SLC6A5: variants seen among roughly 807,000 people sequenced by gnomAD.
The protein encoded by SLC6A5 is sodium- and chloride-dependent glycine transporter 2.
In SLC6A5, 58 loss-of-function variants were observed where a neutral mutation model predicts 90.5. The observed-to-expected ratio is 0.64, with a 90% confidence interval of 0.52 to 0.80. The LOEUF is 0.80. Ranked by LOEUF, SLC6A5 falls within the 30% of genes least tolerant of loss-of-function variation. The pLI is 0.00. For synonymous variants in SLC6A5, 427 were observed against 401.4 expected, an observed-to-expected ratio of 1.06 and a Z score of -0.76; for missense variants, 1,015 against 1,017.6, an observed-to-expected ratio of 1.00 and a Z score of 0.03.
At chr11:20,637,734 T>A (rs1469889355) in intron 12 of SLC6A5, among the ~76,000 whole-genome samples, 1 of 152,064 alleles carries the variant, frequency 6.6e-6, no homozygotes, top group Non-Finnish European at 1.5e-5. Context: ...AAAAAGTAAA[T>A]AAAAAATTAG....
intron 1 of SLC6A5, 93 bp downstream of exon 1, chr11:20,599,768 T>C: frequency 2.8e-6 from 4 of 1,448,606 alleles, no homozygotes; most frequent in South Asian, 1.1e-5. Flanking sequence ...GAGATGTCTG[T>C]GCATTGGGTG....
At chr11:20,622,994 A>T (rs1852920750) in intron 7 of SLC6A5, among the ~76,000 whole-genome samples, 1 of 152,132 alleles carries the variant, frequency 6.6e-6, no homozygotes, top group African/African-American at 2.4e-5. Context: ...ATTTCCTAAC[A>T]TCCACGTGTG....
intron 13 of SLC6A5, among the ~76,000 whole-genome samples, 192 bp downstream of exon 13, chr11:20,638,750 CAA>C (rs1475101759): frequency 2.0e-5 from 3 of 152,134 alleles, no homozygotes; most frequent in East Asian, 1.9e-4. Context: ...AATAGGGAAA[CAA>C]GAGGTGGCTG....
intron 10 of SLC6A5, among the ~76,000 whole-genome samples, chr11:20,634,023 C>G (rs1427223180): frequency 6.6e-6 from 1 of 152,180 alleles, no homozygotes; most frequent in Admixed American, 6.5e-5. Context: ...AGGCGCCCCC[C>G]ACTACGCCCG....
rs535066727 is a variant in SLC6A5, at chr11:20,607,607, C to G, written c.940C>G (p.Pro314Ala). The G allele has an allele frequency of 6.2e-7, 1 of 1,614,146 alleles. No individual in the cohort carries two copies. The highest frequency in any genetic ancestry group is 1.3e-5 in the African/African-American group (1 of 75,032). The part of the protein sequence containing the change: ...SVLPWGSCNN[P>A]WNTPECKDKT... ...ACTACCCTGGGGCTCCTGCAACAAC[C>G]CTTGGAATACGCCAGAATGCAAAGA... The change falls in exon 5 of 16, where the codon CCT becomes GCT. Residue 314 changes from proline (P) to alanine (A), a missense_variant. Physicochemically the swap from Pro to Ala is conservative, Grantham distance 27. Transcript: ENST00000525748.
rs550252047 is a variant in SLC6A5 at position 20,657,026 on chromosome 11, A to C, written c.*2158A>C. 6.6e-6 allele frequency: 1 copy of C among 152,296 alleles called. No homozygotes were observed. The highest frequency in any genetic ancestry group is 1.9e-4 in the East Asian group (1 of 5,178). The allele number at this position is 152,296 out of a possible 1,614,324, so 9.4% of individuals were successfully genotyped here. On this transcript the variant is annotated 3_prime_UTR_variant, in exon 16 of 16. Coordinates refer to ENST00000525748, the MANE Select transcript of SLC6A5 (RefSeq NM_004211.5). ...AATTATCTGCAGGCTTTGCAATTTG[A>C]AGGTTGAGAAAGAGAGCTTAAATCA...
At chr11:20,648,869 T>A (rs1853472315) in intron 14 of SLC6A5, among the ~76,000 whole-genome samples, 1 of 152,230 alleles carries the variant, frequency 6.6e-6, no homozygotes. Flanking sequence ...GCATTGTTTC[T>A]AAAGCTTAGG....
intron 3 of SLC6A5, among the ~76,000 whole-genome samples, chr11:20,604,710 C>T (rs1852544934): frequency 6.6e-6 from 1 of 152,174 alleles, no homozygotes; most frequent in Non-Finnish European, 1.5e-5. Flanking sequence ...TCCTGAGCCA[C>T]GTAAGCACGG....
At chr11:20,627,604 G>A (rs1045998650) in intron 8 of SLC6A5, among the ~76,000 whole-genome samples, 8 of 152,202 alleles carry the variant, frequency 5.3e-5, no homozygotes, top group African/African-American at 1.9e-4. Context: ...AGAAATGTCA[G>A]TTAAAAAGGG....
In SLC6A5 at chr11:20,601,477, C is replaced by G. The variant is rs2241941; in HGVS notation, c.352C>G (p.Leu118Val). 2.5e-6 allele frequency: 4 copies of G among 1,612,000 alleles called. No homozygotes were observed. The African/African-American group carries it at 5.3e-5, about 22-fold the overall frequency. Residue 118 changes from leucine (L) to valine (V), a missense_variant, in exon 2 of 16, where the codon CTG becomes GTG. This residue lies in a region of SLC6A5 where 567 missense variants were observed against 507.3 expected (regional missense o/e 1.12). Coordinates refer to ENST00000525748, the MANE Select transcript of SLC6A5 (RefSeq NM_004211.5). ...CGGGAGCTCCGGGCCCGGCAACGCG[C>G]TGCACTGTAAGATCCCTTTTCTGCG... is the stretch of plus-strand genomic sequence containing the variant. ...PPGSSGPGNA[L>V]HCKIPFLRGP...
Position 20,655,022 on chromosome 11 carries a change from T to A in SLC6A5, c.*154T>A. 1 of 842,294 alleles carries A rather than the reference T, an allele frequency of 1.2e-6. No homozygotes were observed. The highest frequency in any genetic ancestry group is 2.0e-6 in the Non-Finnish European group (1 of 494,672). The allele number at this position is 842,294 out of a possible 1,614,324, so 52.2% of individuals were successfully genotyped here. On this transcript the variant is annotated 3_prime_UTR_variant, in exon 16 of 16. Coordinates refer to ENST00000525748, the MANE Select transcript of SLC6A5 (RefSeq NM_004211.5). ...GAGTGATTATGTAGAAAAGTAGGCA[T>A]AGTGTCGCATGCTGCAGTAAAGAGC...
chr11:20,650,188 G>A (rs1227878537), intron 14 of SLC6A5, among the ~76,000 whole-genome samples: 5 of 152,120 alleles, frequency 3.3e-5, no homozygotes, highest in Non-Finnish European at 7.4e-5. Flanking sequence ...ACTTACATAG[G>A]TACATTATTC....
At chr11:20,609,310 A>G (rs1383718037) in intron 5 of SLC6A5, among the ~76,000 whole-genome samples, 1 of 151,642 alleles carries the variant, frequency 6.6e-6, no homozygotes, top group East Asian at 1.9e-4. Context: ...GAAAAGAAAA[A>G]CAAGGTGTCA....
intron 14 of SLC6A5, among the ~76,000 whole-genome samples, chr11:20,648,040 G>C (rs1165334789): frequency 6.6e-6 from 1 of 152,124 alleles, no homozygotes; most frequent in African/African-American, 2.4e-5. Context: ...TAAGCTGCCA[G>C]CTTTGCCCCA....
intron 13 of SLC6A5, among the ~76,000 whole-genome samples, chr11:20,645,488 C>T (rs544404480): frequency 6.6e-6 from 1 of 152,030 alleles, no homozygotes; most frequent in African/African-American, 2.4e-5. Flanking sequence ...ATCCTGAGAA[C>T]AGGAGGAGCA....
chr11:20,642,727 T>C (rs1051252489), intron 13 of SLC6A5, among the ~76,000 whole-genome samples: 3 of 152,100 alleles, frequency 2.0e-5, no homozygotes, highest in East Asian at 3.9e-4. Flanking sequence ...AAGATGAAAA[T>C]AGCTGTTGAC....
chr11:20,614,906 G>C (rs1464135994), intron 6 of SLC6A5, 86 bp downstream of exon 6: 5 of 1,286,446 alleles, frequency 3.9e-6, no homozygotes, highest in Non-Finnish European at 4.5e-6. Flanking sequence ...CAGAGGTGTG[G>C]GTAGCCCAAG....
At chr11:20,602,004 C>T (rs1852490042) in intron 2 of SLC6A5, among the ~76,000 whole-genome samples, 1 of 152,206 alleles carries the variant, frequency 6.6e-6, no homozygotes, top group Non-Finnish European at 1.5e-5. Flanking sequence ...CAATGACTGT[C>T]TTTTCTTTTC....
intron 7 of SLC6A5, among the ~76,000 whole-genome samples, chr11:20,623,145 T>G (rs1852923713): frequency 6.6e-6 from 1 of 152,152 alleles, no homozygotes; most frequent in African/African-American, 2.4e-5. Flanking sequence ...GAGGAGAGAC[T>G]GCTGTTCTGT....
Sources: allele counts gnomAD v4.1 joint callset (sites outside exome capture counted in the v4.1 genomes callset), GRCh38; gene constraint gnomAD v4.1.1; regional missense constraint gnomAD v4.1.1; transcripts MANE v1.5; gene names NCBI Gene and HGNC (gene_info 2026-07-23, HGNC 2026-07-21).